The following PGPEP1L variants were observed in gnomAD, a reference collection of about 807,000 sequenced individuals.
PGPEP1L encodes pyroglutamyl-peptidase 1-like protein.
PGPEP1L carries 7 observed loss-of-function variants against 6.0 expected under a neutral mutation model. The ratio of observed to expected loss-of-function variants is 1.17; its 90% confidence interval spans 0.66 to 2.19. The LOEUF is 2.19. Among genes scored for constraint, PGPEP1L ranks in the 30% most tolerant of loss-of-function variants. The pLI, the probability that PGPEP1L is intolerant of heterozygous loss-of-function variation, is 0.00. For missense variants in PGPEP1L, 209 were observed against 192.5 expected (o/e 1.09, Z -0.51); for synonymous variants, 103 against 83.9 (o/e 1.23, Z -1.24).
intron 2 of PGPEP1L, chr15:98,997,993 T>A (rs2017911098): frequency 6.6e-6 from 1 of 152,316 alleles, no homozygotes; most frequent in South Asian, 2.1e-4. Flanking sequence ...CACTTGTTTT[T>A]CCCCCTGCCC....
chr15:98,974,708 C>T (rs183989965), intron 2 of PGPEP1L, among the ~76,000 whole-genome samples: 1 of 152,298 alleles, frequency 6.6e-6, no homozygotes, highest in Admixed American at 6.5e-5. Context: ...ACCAGCCTGG[C>T]CAACATGGTG....
chr15:98,972,356 A>AAATG (rs1309686340), intron 2 of PGPEP1L, among the ~76,000 whole-genome samples: 2 of 52,108 alleles, frequency 3.8e-5, no homozygotes, highest in Non-Finnish European at 1.0e-4. Context: ...TCCGTCTCAA[A>AAATG]AATAAATAAA....
rs182139634 is a variant in PGPEP1L, at chr15:99,000,219, C to G, written c.-142+5210G>C. ...CCAGTAGCTGCTGTGCTCAACTTCT[C>G]GCTGGGCCTTAGCTGCCTTCCTGCC... On this transcript the variant is annotated intron_variant, in intron 2 of 4. Coordinates refer to ENST00000535714, the MANE Select transcript of PGPEP1L (RefSeq NM_001167902.2). 2.4e-3 allele frequency among the ~76,000 whole-genome samples: 369 copies of G among 152,362 alleles called. 4 individuals are homozygous for G. The highest frequency in any genetic ancestry group is 8.2e-3 in the African/African-American group (342 of 41,588).
In PGPEP1L at chr15:98,978,835, T is replaced by C. The variant is rs570552835; in HGVS notation, c.-141-7677A>G. ...ACCTCCGCCTCCCGGGTTCAAGCAA[T>C]TCTCCTGCCTCAGCCTCCCGAGTAG... is the stretch of plus-strand genomic sequence containing the variant. On this transcript the variant is annotated intron_variant, in intron 2 of 4. Transcript: ENST00000535714. 2.2e-4 allele frequency among the ~76,000 whole-genome samples: 33 copies of C among 149,818 alleles called. No homozygotes were observed. In the South Asian group the frequency reaches 6.9e-3, roughly 32 times the overall value.
chr15:98,985,425 C>A (rs537502993), intron 2 of PGPEP1L, among the ~76,000 whole-genome samples: 1 of 152,326 alleles, frequency 6.6e-6, no homozygotes, highest in South Asian at 2.1e-4. Flanking sequence ...GTAATCCCAG[C>A]TACTCAGGAG....
chr15:98,990,491 T>C (rs977190560), intron 2 of PGPEP1L, among the ~76,000 whole-genome samples: 1 of 152,142 alleles, frequency 6.6e-6, no homozygotes, highest in Admixed American at 6.5e-5. Context: ...CAAAGAGACT[T>C]GGACTCCCAC....
intron 2 of PGPEP1L, among the ~76,000 whole-genome samples, chr15:98,984,503 T>C (rs1043814599): frequency 3.3e-5 from 5 of 152,164 alleles, no homozygotes; most frequent in African/African-American, 7.2e-5. Flanking sequence ...TTGTATTGAC[T>C]CAAGATGCCA....
At position 98,991,522 on chromosome 15, in the gene PGPEP1L, T is replaced by C. The variant is rs189621794; in HGVS notation, c.-142+13907A>G. Among the ~76,000 whole-genome samples, 5 of 152,212 alleles carry C rather than the reference T, an allele frequency of 3.3e-5. No homozygotes were observed. In the East Asian group the frequency reaches 7.7e-4, roughly 24 times the overall value. Reference sequence around the variant, plus strand: ...AGATGGATTCATGGCCGAATTCTACTAGAGGTACAAAGAGGAGCTGGTACC... The same window carrying C: ...AGATGGATTCATGGCCGAATTCTACCAGAGGTACAAAGAGGAGCTGGTACC... On this transcript the variant is annotated intron_variant, in intron 2 of 4. Transcript: ENST00000535714.
rs143940847 is a variant in PGPEP1L, at chr15:99,005,253, TTTA to T, written c.-142+173_-142+175del. On this transcript the variant is annotated intron_variant, in intron 2 of 4. Transcript: ENST00000535714. ...GCAGAAATGCCTGTGATCCTGATTGTTTATTAATAGGGCACAGCAGCAAGTTCG... is the reference window on the plus strand; with the variant it reads ...GCAGAAATGCCTGTGATCCTGATTGTTTAATAGGGCACAGCAGCAAGTTCG... Among the ~76,000 whole-genome samples the T allele has an allele frequency of 9.0e-3, 1,373 of 152,316 alleles. 22 individuals carry two copies. Among genetic ancestry groups the T allele is most frequent in the African/African-American group, 0.031 (1,292 of 41,558 alleles).
chr15:98,989,118 T>C (rs1417485711), intron 2 of PGPEP1L, among the ~76,000 whole-genome samples: 1 of 152,048 alleles, frequency 6.6e-6, no homozygotes, highest in Non-Finnish European at 1.5e-5. Context: ...GGAACAAAAC[T>C]GGATGGAGAA....
chr15:99,007,429 A>C lies in PGPEP1L; in HGVS notation c.-440T>G, dbSNP rs1452312916. ...ACTGACTTCAAGAACGAAGCCGCGGACCCTGGCGGTGAGTGTTACAGTTTT... is the reference window on the plus strand; with the variant it reads ...ACTGACTTCAAGAACGAAGCCGCGGCCCCTGGCGGTGAGTGTTACAGTTTT... On this transcript the variant is annotated 5_prime_UTR_variant, in exon 1 of 5. Coordinates refer to ENST00000535714, the MANE Select transcript of PGPEP1L (RefSeq NM_001167902.2). 6.6e-6 allele frequency: 1 copy of C among 152,332 alleles called. No homozygotes were observed. Among genetic ancestry groups the C allele is most frequent in the African/African-American group, 2.4e-5 (1 of 41,434 alleles). 9.4% of individuals were successfully genotyped at this position (152,332 alleles called of 1,614,324 possible).
At chr15:98,991,302 A>G (rs1376224112) in intron 2 of PGPEP1L, among the ~76,000 whole-genome samples, 1 of 152,228 alleles carries the variant, frequency 6.6e-6, no homozygotes, top group Non-Finnish European at 1.5e-5. Context: ...CAGAAATACG[A>G]ACTACCATCA....
Position 98,969,556 on chromosome 15 carries a change from G to A in PGPEP1L, c.78C>T (p.Ser26=), listed in dbSNP as rs2017460217. The part of the protein sequence containing the change: ...NQGYRDADIR[S]FWPEGGVCLP... ...GGCACACGCCGCCCTCGGGCCAGAA[G>A]CTGCGGATGTCGGCGTCCCGGTAGC... The change falls in exon 4 of 5, where the codon AGC becomes AGT. Residue 26 remains serine, a synonymous_variant. Transcript: ENST00000535714. 1 of 1,613,894 alleles carries A rather than the reference G, an allele frequency of 6.2e-7. No homozygotes were observed. Among genetic ancestry groups the A allele is most frequent in the South Asian group, 1.1e-5 (1 of 91,090 alleles).
chr15:98,988,289 T>C (rs1188551746), intron 2 of PGPEP1L, among the ~76,000 whole-genome samples: 1 of 152,050 alleles, frequency 6.6e-6, no homozygotes, highest in Non-Finnish European at 1.5e-5. Flanking sequence ...CCTAGGACCC[T>C]TGAGCTTGGT....
intron 2 of PGPEP1L, among the ~76,000 whole-genome samples, chr15:98,996,620 CGTGTATGT>C (rs1409654940): frequency 1.2e-5 from 1 of 83,184 alleles, no homozygotes; most frequent in Non-Finnish European, 3.6e-5. Flanking sequence ...TATATGCCTG[CGTGTATGT>C]GTGTTGTGTG....
rs1193310517 is a variant in PGPEP1L, at chr15:98,987,193, AAAG to A, written c.-141-16038_-141-16036del. Among the ~76,000 whole-genome samples, 252 of 148,762 alleles carry A rather than the reference AAAG, an allele frequency of 1.7e-3. 12 individuals carry two copies. Among genetic ancestry groups the A allele is most frequent in the African/African-American group, 6.2e-3 (240 of 38,994 alleles). On this transcript the variant is annotated intron_variant, in intron 2 of 4. Coordinates refer to ENST00000535714, the MANE Select transcript of PGPEP1L (RefSeq NM_001167902.2). The stretch of plus-strand genomic sequence containing the variant: ...AAAAAAAAAAAAAAAAAAAAAAAAA[AAAG>A]AGAGCCAATTTAATTTTTGATATTC...
intron 2 of PGPEP1L, among the ~76,000 whole-genome samples, chr15:99,005,161 C>T (rs1162696206): frequency 1.3e-5 from 2 of 152,160 alleles, no homozygotes; most frequent in Non-Finnish European, 2.9e-5. Context: ...AAGGTCTGAG[C>T]CTAAGCCACC....
At chr15:98,969,790 C>G (rs1194596432) in intron 3 of PGPEP1L, 139 bp from the exon 4 acceptor site, 1 of 767,896 alleles carries the variant, frequency 1.3e-6, no homozygotes, top group African/African-American at 1.7e-5. Flanking sequence ...TGGGAAACCC[C>G]AGGATCCCCC....
chr15:98,977,148 T>G (rs192124513), intron 2 of PGPEP1L, among the ~76,000 whole-genome samples: 1 of 152,294 alleles, frequency 6.6e-6, no homozygotes, highest in African/African-American at 2.4e-5. Flanking sequence ...TCAATCTAAA[T>G]GAAGGTTTAT....
Sources: gnomAD v4.1 joint callset for allele counts (sites outside exome capture counted in the v4.1 genomes callset) on GRCh38, gnomAD v4.1.1 for gene constraint, MANE v1.5 for transcripts, NCBI Gene and HGNC (gene_info 2026-07-23, HGNC 2026-07-21) for gene names.